Variants in SFT2D2 observed in about 807,000 individuals in gnomAD.
The protein encoded by SFT2D2 is SFT2 domain containing 2.
SFT2D2 carries 21 observed loss-of-function variants against 27.4 expected under a neutral mutation model. The observed-to-expected ratio is 0.77, with a 90% CI of 0.54 to 1.10. SFT2D2 has a LOEUF of 1.10. Among genes scored for constraint, SFT2D2 ranks in the 50% least tolerant of loss-of-function variants. SFT2D2 has a pLI of 0.00. For synonymous variants in SFT2D2, 72 were observed against 71.7 expected (o/e 1.00, Z -0.02); for missense variants, 187 against 194.2 (o/e 0.96, Z 0.22).
At chr1:168,226,532 G>C (rs1266089804) in intron 1 of SFT2D2, among the ~76,000 whole-genome samples, 2 of 152,006 alleles carry the variant, frequency 1.3e-5, no homozygotes, top group Non-Finnish European at 1.5e-5. Flanking sequence ...GTGGGTCGGG[G>C]CCCCAGACCC....
chr1:168,240,638 G>A (rs1253065002), intron 7 of SFT2D2, among the ~76,000 whole-genome samples: 1 of 152,138 alleles, frequency 6.6e-6, no homozygotes, highest in Non-Finnish European at 1.5e-5. Context: ...TCATAGGCCG[G>A]GCACGGTAGC....
intron 6 of SFT2D2, 112 bp downstream of exon 6, chr1:168,236,882 TTAA>T (rs1331594569): frequency 5.0e-6 from 1 of 198,216 alleles, no homozygotes; most frequent in Non-Finnish European, 1.0e-5. Context: ...CAGAAGCTGT[TTAA>T]TTTAAGGATT....
At chr1:168,237,452 A>G (rs1041645792) in intron 6 of SFT2D2, among the ~76,000 whole-genome samples, 2 of 152,154 alleles carry the variant, frequency 1.3e-5, no homozygotes, top group African/African-American at 4.8e-5. Context: ...AGCCTATACG[A>G]CCTCAGAGTG....
Position 168,242,491 on chromosome 1 carries a change from T to C in SFT2D2, c.444-10T>C. ...ACGTTCCACTCATCTTTGTGTCTTT[T>C]CTTTCCTAGGGATGCTGTGAAGAAG... is the stretch of plus-strand genomic sequence containing the variant. On this transcript the variant is annotated splice_polypyrimidine_tract_variant and intron_variant, in intron 7 of 7. Coordinates refer to ENST00000271375, the MANE Select transcript of SFT2D2 (RefSeq NM_199344.3). 6.2e-7 allele frequency: 1 copy of C among 1,613,862 alleles called. No individual in the cohort carries two copies. Among genetic ancestry groups the C allele is most frequent in the African/African-American group, 1.3e-5 (1 of 74,790 alleles).
At position 168,247,104 on chromosome 1, in the gene SFT2D2, AC is replaced by A; in HGVS notation, c.*4565del. ...TTTCAGATAGTCTCTTTTGTAGTAC[AC>A]TAGTCTTTTTCATTTTTTAATTTTT... On this transcript the variant is annotated 3_prime_UTR_variant, in exon 8 of 8. Transcript: ENST00000271375. 1 of 316,468 alleles carries A rather than the reference AC, an allele frequency of 3.2e-6. No individual in the cohort carries two copies. The highest frequency in any genetic ancestry group is 3.0e-5 in the South Asian group (1 of 33,642). The allele number at this position is 316,468 out of a possible 1,614,324, so 19.6% of individuals were successfully genotyped here.
intron 6 of SFT2D2, among the ~76,000 whole-genome samples, chr1:168,238,625 A>G (rs1037495233): frequency 6.6e-6 from 1 of 152,036 alleles, no homozygotes; most frequent in Admixed American, 6.6e-5. Flanking sequence ...GAGCCTAGAA[A>G]TTCAAGGCTG....
In SFT2D2 at chr1:168,246,865, G is replaced by A. The variant is rs750743514; in HGVS notation, c.*4325G>A. The A allele has an allele frequency of 9.5e-6, 6 of 632,678 alleles. No individual in the cohort carries two copies. In the African/African-American group the frequency reaches 1.1e-4, roughly 12 times the overall value. The allele number at this position is 632,678 out of a possible 1,614,324, so 39.2% of individuals were successfully genotyped here. A position where few individuals can be genotyped will look rare whatever the true frequency, so the allele number is the denominator to read the frequency against. The stretch of plus-strand genomic sequence containing the variant: ...TTTAGAGCCTTTTGAAGGTCTTCAT[G>A]CTTTCTTTTTATAATTTCAATGTCT... On this transcript the variant is annotated 3_prime_UTR_variant, in exon 8 of 8. Transcript: ENST00000271375.
At chr1:168,242,168 C>A (rs906111622) in intron 7 of SFT2D2, among the ~76,000 whole-genome samples, 8 of 152,060 alleles carry the variant, frequency 5.3e-5, no homozygotes, top group Non-Finnish European at 1.2e-4. Context: ...TGATTTTGAC[C>A]GATATTAAAG....
intron 7 of SFT2D2, among the ~76,000 whole-genome samples, chr1:168,240,065 CT>C (rs1647607444): frequency 2.0e-5 from 3 of 150,928 alleles, no homozygotes; most frequent in Admixed American, 1.3e-4. Flanking sequence ...GTCGAAGCTA[CT>C]TGGGAGGCTG....
chr1:168,238,523 A>G (rs1303412195), intron 6 of SFT2D2, among the ~76,000 whole-genome samples: 3 of 151,794 alleles, frequency 2.0e-5, no homozygotes, highest in African/African-American at 7.3e-5. Context: ...AAAAAAAAAC[A>G]TTAAAAAATT....
intron 3 of SFT2D2, among the ~76,000 whole-genome samples, chr1:168,233,643 T>TGG (rs200545010): frequency 6.6e-6 from 1 of 151,868 alleles, no homozygotes; most frequent in South Asian, 2.1e-4. Flanking sequence ...TAACTTTGGG[T>TGG]GGGGGGGTGT....
At position 168,245,098 on chromosome 1, in the gene SFT2D2, T is replaced by A. The variant is rs1647773869; in HGVS notation, c.*2558T>A. ...TCTAGCCACTGCAATCATGTTTTAATTGGGAGTAGGGGGAAAGAGGGAGGG... is the reference window on the plus strand; with the variant it reads ...TCTAGCCACTGCAATCATGTTTTAAATGGGAGTAGGGGGAAAGAGGGAGGG... On this transcript the variant is annotated 3_prime_UTR_variant, in exon 8 of 8. Transcript: ENST00000271375. The A allele has an allele frequency of 6.6e-6, 1 of 152,156 alleles. No individual in the cohort carries two copies. The highest frequency in any genetic ancestry group is 2.4e-5 in the African/African-American group (1 of 41,496). The allele number at this position is 152,156 out of a possible 1,614,324, so 9.4% of individuals were successfully genotyped here.
At chr1:168,229,258 C>T (rs570948356) in intron 1 of SFT2D2, among the ~76,000 whole-genome samples, 98 of 152,266 alleles carry the variant, frequency 6.4e-4, no homozygotes, top group Non-Finnish European at 1.2e-3. Context: ...CTCGCTCTGT[C>T]GCCCAGGCTG....
Position 168,246,224 on chromosome 1 carries a change from T to G in SFT2D2, c.*3684T>G. The G allele has an allele frequency of 3.3e-6, 1 of 304,440 alleles. No individual in the cohort carries two copies. Among genetic ancestry groups the G allele is most frequent in the South Asian group, 3.1e-5 (1 of 32,696 alleles). The allele number at this position is 304,440 out of a possible 1,614,324, so 18.9% of individuals were successfully genotyped here. A position where few individuals can be genotyped will look rare whatever the true frequency, so the allele number is the denominator to read the frequency against. On this transcript the variant is annotated 3_prime_UTR_variant, in exon 8 of 8. Coordinates refer to ENST00000271375, the MANE Select transcript of SFT2D2 (RefSeq NM_199344.3). Reference sequence around the variant, plus strand: ...AAAGACGGTGCTTTATGCACTCAGCTTGAAGATTTTGTGCTGTAGCATCAC... The same window carrying G: ...AAAGACGGTGCTTTATGCACTCAGCGTGAAGATTTTGTGCTGTAGCATCAC...
At chr1:168,234,744 G>T (rs1485605348) in intron 3 of SFT2D2, among the ~76,000 whole-genome samples, 2 of 152,128 alleles carry the variant, frequency 1.3e-5, no homozygotes, top group African/African-American at 2.4e-5. Flanking sequence ...TCCATGAGTA[G>T]TTATTGTCAG....
chr1:168,229,514 T>C (rs1700492553), intron 1 of SFT2D2: 1 of 152,336 alleles, frequency 6.6e-6, no homozygotes, highest in African/African-American at 2.4e-5. Flanking sequence ...ACTTTTTTCT[T>C]GCTGCTGACA....
At chr1:168,231,476 ATG>A in intron 1 of SFT2D2, 36 bp from the exon 2 acceptor site, 1 of 1,519,970 alleles carries the variant, frequency 6.6e-7, no homozygotes, top group South Asian at 1.1e-5. Context: ...TTTTTAGTAA[ATG>A]TGTGTGTATA....
rs899893188 is a variant in SFT2D2 at position 168,251,943 on chromosome 1, T to C, written c.*9403T>C. The C allele has an allele frequency of 6.6e-6, 1 of 152,184 alleles. No individual in the cohort carries two copies. Among genetic ancestry groups the C allele is most frequent in the Non-Finnish European group, 1.5e-5 (1 of 68,018 alleles). The allele number at this position is 152,184 out of a possible 1,614,324, so 9.4% of individuals were successfully genotyped here. A position where few individuals can be genotyped will look rare whatever the true frequency, so the allele number is the denominator to read the frequency against. On this transcript the variant is annotated 3_prime_UTR_variant, in exon 8 of 8. Coordinates refer to ENST00000271375, the MANE Select transcript of SFT2D2 (RefSeq NM_199344.3). ...ACCTTCTGGTTAATAGTTTTATAGTTAAGAAGAAAGTCCAGCGAAGTTTAC... is the reference window on the plus strand; with the variant it reads ...ACCTTCTGGTTAATAGTTTTATAGTCAAGAAGAAAGTCCAGCGAAGTTTAC...
Position 168,245,930 on chromosome 1 carries a change from A to T in SFT2D2, c.*3390A>T, listed in dbSNP as rs1647799170. 6.2e-6 allele frequency: 1 copy of T among 161,926 alleles called. No homozygotes were observed. The highest frequency in any genetic ancestry group is 6.3e-5 in the Admixed American group (1 of 15,920). The allele number at this position is 161,926 out of a possible 1,614,324, so 10.0% of individuals were successfully genotyped here. On this transcript the variant is annotated 3_prime_UTR_variant, in exon 8 of 8. Coordinates refer to ENST00000271375, the MANE Select transcript of SFT2D2 (RefSeq NM_199344.3). Reference sequence around the variant, plus strand: ...CTTGCGTCTCCTTAGTACATTTTATAGTCGCTGTAAGTTGATTCCATTTTT... The same window carrying T: ...CTTGCGTCTCCTTAGTACATTTTATTGTCGCTGTAAGTTGATTCCATTTTT...
Sources: allele counts gnomAD v4.1 joint callset (sites outside exome capture counted in the v4.1 genomes callset), GRCh38; gene constraint gnomAD v4.1.1; transcripts MANE v1.5; gene names NCBI Gene and HGNC (gene_info 2026-07-23, HGNC 2026-07-21).